CSMD2: variants seen among roughly 807,000 people sequenced by gnomAD.
CSMD2 encodes the protein CUB and Sushi multiple domains 2.
In CSMD2, 130 loss-of-function variants were observed where a neutral mutation model predicts 398.5. The ratio of observed to expected loss-of-function variants is 0.33; its 90% CI spans 0.28 to 0.38. CSMD2 has a LOEUF of 0.38. Among genes scored for constraint, CSMD2 ranks in the 10% least tolerant of loss-of-function variants. The pLI is 1.00. For missense variants in CSMD2, 3,829 were observed against 4,764.9 expected, an observed-to-expected ratio of 0.80 and a Z score of 5.78; for synonymous variants, 1,828 against 1,908.5, an observed-to-expected ratio of 0.96 and a Z score of 1.10.
At chr1:33,661,673 A>G (rs886340231) in intron 26 of CSMD2, among the ~76,000 whole-genome samples, 3 of 152,212 alleles carry the variant, frequency 2.0e-5, no homozygotes, top group African/African-American at 7.2e-5. Context: ...TAAATGGACA[A>G]ATTTATAAGT....
At chr1:33,825,139 T>C (rs6657112) in intron 7 of CSMD2, among the ~76,000 whole-genome samples, 104,364 of 151,768 alleles carry the variant, frequency 0.69, 37,122 homozygotes, top group African/African-American at 0.89. Context: ...ATCCTCCCCA[T>C]GCCCAAGAAG....
At chr1:34,033,926 C>G (rs1451742219) in intron 2 of CSMD2, among the ~76,000 whole-genome samples, 1 of 152,090 alleles carries the variant, frequency 6.6e-6, no homozygotes, top group Non-Finnish European at 1.5e-5. Context: ...CATGTTAACT[C>G]AGAATAGACT....
At chr1:33,916,232 A>G (rs1643715610) in intron 5 of CSMD2, among the ~76,000 whole-genome samples, 1 of 152,224 alleles carries the variant, frequency 6.6e-6, no homozygotes, top group Admixed American at 6.5e-5. Flanking sequence ...TATTAAATAT[A>G]TATAAATAGC....
chr1:33,908,540 G>A (rs1379894382), intron 5 of CSMD2, among the ~76,000 whole-genome samples: 1 of 152,256 alleles, frequency 6.6e-6, no homozygotes, highest in Non-Finnish European at 1.5e-5. Context: ...ACCCATGGGG[G>A]GCAGGCCAGC....
chr1:33,824,596 C>T (rs909553702), intron 7 of CSMD2, among the ~76,000 whole-genome samples: 1 of 152,150 alleles, frequency 6.6e-6, no homozygotes, highest in African/African-American at 2.4e-5. Context: ...ACCACCGGTG[C>T]CACTCTATGC....
Position 33,611,202 on chromosome 1 carries a change from T to C in CSMD2, c.6182A>G (p.Tyr2061Cys), listed in dbSNP as rs762187243. 5 of 1,614,100 alleles carry C rather than the reference T, an allele frequency of 3.1e-6. No homozygotes were observed. The highest frequency in any genetic ancestry group is 1.7e-5 in the Admixed American group (1 of 60,012). ...LNFSTEPNHD[Y>C]IEIRNGPYET... ...ATAGGGGCCATTCCGGATTTCTATG[T>C]AGTCGTGGTTGGGCTCGGTGGAGAA... Residue 2061 changes from tyrosine to cysteine, a missense_variant, in exon 41 of 71, where the codon TAC becomes TGC. Tyr to Cys is a radical substitution (Grantham distance 194). Around this residue, in one of 5 missense-constraint regions of CSMD2, gnomAD observed 2,001 missense variants for 2,567.1 expected, o/e 0.78. Transcript: ENST00000373381.
intron 10 of CSMD2, among the ~76,000 whole-genome samples, chr1:33,805,580 T>A (rs915604572): frequency 6.6e-6 from 1 of 152,144 alleles, no homozygotes; most frequent in Non-Finnish European, 1.5e-5. Context: ...TGAATTCACA[T>A]GTTGAATCCC....
At position 33,929,442 on chromosome 1, in the gene CSMD2, T is replaced by C. The variant is rs543497287; in HGVS notation, c.712+6318A>G. ...AGAACCAAGCCTATACTTTTTTTTT[T>C]TTTTTTTTTTTTTGAGATAGAGTCT... is the stretch of plus-strand genomic sequence containing the variant. On this transcript the variant is annotated intron_variant, in intron 4 of 70. Coordinates refer to ENST00000373381, the MANE Select transcript of CSMD2 (RefSeq NM_001281956.2). 2.2e-3 allele frequency among the ~76,000 whole-genome samples: 324 copies of C among 145,418 alleles called. 3 individuals carry two copies. Among genetic ancestry groups the C allele is most frequent in the Non-Finnish European group, 3.9e-3 (262 of 66,394 alleles).
intron 6 of CSMD2, among the ~76,000 whole-genome samples, chr1:33,829,949 C>T (rs963961825): frequency 4.6e-5 from 7 of 151,874 alleles, no homozygotes; most frequent in East Asian, 3.9e-4. Context: ...AGCAGCAAGG[C>T]GGGGGGAGGG....
At chr1:33,653,012 C>T (rs1297458171) in intron 27 of CSMD2, among the ~76,000 whole-genome samples, 3 of 152,164 alleles carry the variant, frequency 2.0e-5, no homozygotes, top group Non-Finnish European at 1.5e-5. Flanking sequence ...CCATCTCAGC[C>T]TTCCAAAGTC....
intron 32 of CSMD2, among the ~76,000 whole-genome samples, chr1:33,632,318 T>C (rs1642510390): frequency 6.6e-6 from 1 of 152,044 alleles, no homozygotes. Context: ...TAAAGCACCC[T>C]GAAGAAAATT....
At chr1:33,813,784 T>C (rs888993466) in intron 9 of CSMD2, among the ~76,000 whole-genome samples, 2 of 152,194 alleles carry the variant, frequency 1.3e-5, no homozygotes, top group Admixed American at 1.3e-4. Context: ...TGTTCCATGC[T>C]GCCTTCCCTT....
chr1:33,627,898 T>C (rs1205713702), intron 32 of CSMD2, among the ~76,000 whole-genome samples: 1 of 152,174 alleles, frequency 6.6e-6, no homozygotes, highest in African/African-American at 2.4e-5. Flanking sequence ...ACAGAACCCA[T>C]GTCAACTGCA....
At chr1:34,052,719 G>C (rs1653353414) in intron 2 of CSMD2, among the ~76,000 whole-genome samples, 1 of 152,116 alleles carries the variant, frequency 6.6e-6, no homozygotes, top group African/African-American at 2.4e-5. Flanking sequence ...GCTTACTCTA[G>C]TATGCTCAGT....
At chr1:33,675,998 T>C (rs1018846020) in intron 25 of CSMD2, among the ~76,000 whole-genome samples, 1 of 152,190 alleles carries the variant, frequency 6.6e-6, no homozygotes, top group African/African-American at 2.4e-5. Context: ...CCAAAGCCAA[T>C]GTCATACTGA....
At chr1:33,864,849 A>G in intron 5 of CSMD2, 4 of 990,676 alleles carry the variant, frequency 4.0e-6, no homozygotes, top group Non-Finnish European at 5.6e-6. Context: ...TGCTTTGTGG[A>G]GGAGGGAGTG....
At chr1:34,147,811 C>T (rs1639921861) in intron 1 of CSMD2, among the ~76,000 whole-genome samples, 1 of 152,124 alleles carries the variant, frequency 6.6e-6, no homozygotes. Flanking sequence ...ATGGTGTCCT[C>T]AGCGCTTCCC....
intron 33 of CSMD2, 35 bp downstream of exon 33, chr1:33,626,451 C>T: frequency 6.8e-7 from 1 of 1,479,022 alleles, no homozygotes; most frequent in Non-Finnish European, 9.2e-7. Flanking sequence ...GAACCGAGAT[C>T]ACCTTCCTAC....
At chr1:33,976,598 C>T (rs1435784806) in intron 3 of CSMD2, among the ~76,000 whole-genome samples, 1 of 152,162 alleles carries the variant, frequency 6.6e-6, no homozygotes, top group Non-Finnish European at 1.5e-5. Flanking sequence ...GGAGGCAACA[C>T]CACCAGGGCA....
Sources: gnomAD v4.1 joint callset for allele counts (sites outside exome capture counted in the v4.1 genomes callset) on GRCh38, gnomAD v4.1.1 for gene constraint, gnomAD v4.1.1 regional missense constraint, MANE v1.5 for transcripts, NCBI Gene and HGNC (gene_info 2026-07-23, HGNC 2026-07-21) for gene names.